The following GPHN variants were observed in gnomAD, a reference collection of about 807,000 sequenced individuals.
GPHN encodes the protein gephyrin.
In GPHN, 17 loss-of-function variants were observed where a neutral mutation model predicts 95.5. The ratio of observed to expected loss-of-function variants is 0.18; its 90% CI spans 0.12 to 0.27. The LOEUF (loss-of-function observed/expected upper bound fraction) is 0.27. Ranked by LOEUF, GPHN falls within the 10% of genes least tolerant of loss-of-function variation. The pLI is 1.00. For missense variants in GPHN, 660 were observed against 978.1 expected (o/e 0.67, Z 4.34); for synonymous variants, 320 against 322.5 (o/e 0.99, Z 0.08).
At chr14:67,382,825 G>C in the GPHN span, 1 of 531,854 alleles carries the variant, frequency 1.9e-6, no homozygotes, top group Non-Finnish European at 3.3e-6. Flanking sequence ...TCTAAAATTT[G>C]ATCTCAGAAT....
At chr14:67,359,705 G>A in the GPHN span, 3 of 1,613,750 alleles carry the variant, frequency 1.9e-6, no homozygotes, top group Non-Finnish European at 1.7e-6. Context: ...ACATTCTGAC[G>A]ATAACTTTTC....
chr14:67,152,185 C>T (rs560619805), intron 18 of GPHN, among the ~76,000 whole-genome samples: 67 of 152,254 alleles, frequency 4.4e-4, no homozygotes, highest in Non-Finnish European at 7.1e-4. Context: ...CTTCTATATT[C>T]TACCTAGAAG....
chr14:67,307,821 G>A, the GPHN span, among the ~76,000 whole-genome samples: 1 of 151,948 alleles, frequency 6.6e-6, no homozygotes, highest in African/African-American at 2.4e-5. Flanking sequence ...GCAGAGATGT[G>A]GAATCAACCT....
rs866779982 is a variant in GPHN at position 67,144,262 on chromosome 14, T to C, written c.1836+813T>C. On this transcript the variant is annotated intron_variant, in intron 18 of 22. Transcript: ENST00000478722. ...AAAAAAAAAAAAAAATATATATATATATATATATATATATATATATATATA... is the reference window on the plus strand; with the variant it reads ...AAAAAAAAAAAAAAATATATATATACATATATATATATATATATATATATA... 9.8e-5 allele frequency among the ~76,000 whole-genome samples: 8 copies of C among 82,010 alleles called. 2 individuals carry two copies. In the East Asian group the frequency reaches 2.9e-3, roughly 30 times the overall value. The allele number at this position is 82,010 out of a possible 152,430, so 53.8% of individuals were successfully genotyped here.
Position 67,078,241 on chromosome 14 carries a change from T to C in GPHN, c.1145-10742T>C, listed in dbSNP as rs549919818. Among the ~76,000 whole-genome samples the C allele has an allele frequency of 1.1e-4, 17 of 152,214 alleles. No individual in the cohort carries two copies. The South Asian group carries it at 3.5e-3, about 32-fold the overall frequency. ...GCATATTAGTTATATTAATCGCCTATTGGGAAAGCCATCTTTTGCTTATTA... is the reference window on the plus strand; with the variant it reads ...GCATATTAGTTATATTAATCGCCTACTGGGAAAGCCATCTTTTGCTTATTA... On this transcript the variant is annotated intron_variant, in intron 11 of 22. Transcript: ENST00000478722.
At chr14:67,194,526 G>A in the GPHN span, among the ~76,000 whole-genome samples, 2 of 151,810 alleles carry the variant, frequency 1.3e-5, no homozygotes, top group Non-Finnish European at 1.5e-5. Flanking sequence ...TTTCCCCCAA[G>A]ACAGAGTTTT....
intron 2 of GPHN, among the ~76,000 whole-genome samples, chr14:66,713,179 A>G (rs1240518204): frequency 6.6e-6 from 1 of 152,036 alleles, no homozygotes; most frequent in Non-Finnish European, 1.5e-5. Context: ...CTTTTATTGC[A>G]TATGTTTTGG....
the GPHN span, chr14:67,472,849 G>A: frequency 6.3e-6 from 1 of 159,212 alleles, no homozygotes; most frequent in South Asian, 1.9e-4. Context: ...AGGGCCCTGG[G>A]GGAGGGGAGA....
intron 10 of GPHN, among the ~76,000 whole-genome samples, chr14:67,024,943 C>T (rs1417422649): frequency 3.9e-5 from 6 of 152,062 alleles, no homozygotes; most frequent in Non-Finnish European, 7.4e-5. Context: ...TGGGCAAACA[C>T]AATTATTGCT....
intron 1 of GPHN, among the ~76,000 whole-genome samples, chr14:66,622,245 G>A (rs1431019757): frequency 6.6e-6 from 1 of 152,116 alleles, no homozygotes; most frequent in Non-Finnish European, 1.5e-5. Context: ...GCTTATACTG[G>A]CCCCTTTCAG....
rs148073260 is a variant in GPHN at position 67,029,203 on chromosome 14, G to T, written c.1006+5528G>T. Reference sequence around the variant, plus strand: ...TCTGTTTCATTGATCTATATGTCTGGCTTTATACAAATACCATGCTGTTTT... The same window carrying T: ...TCTGTTTCATTGATCTATATGTCTGTCTTTATACAAATACCATGCTGTTTT... On this transcript the variant is annotated intron_variant, in intron 10 of 22. Coordinates refer to ENST00000478722, the MANE Select transcript of GPHN (RefSeq NM_020806.5). Among the ~76,000 whole-genome samples, 452 of 152,046 alleles carry T rather than the reference G, an allele frequency of 3.0e-3. 3 individuals are homozygous for T. Among genetic ancestry groups the T allele is most frequent in the African/African-American group, 0.01 (434 of 41,468 alleles).
chr14:67,552,328 C>T, the GPHN span, among the ~76,000 whole-genome samples: 1 of 152,270 alleles, frequency 6.6e-6, no homozygotes, highest in Non-Finnish European at 1.5e-5. Context: ...GGCCTTTAAG[C>T]AAAGGTGAAG....
chr14:67,530,286 T>C, the GPHN span, among the ~76,000 whole-genome samples: 3 of 152,196 alleles, frequency 2.0e-5, no homozygotes, highest in African/African-American at 7.2e-5. Flanking sequence ...AGAATTATTA[T>C]CATCATTATT....
downstream of GPHN, among the ~76,000 whole-genome samples, chr14:67,186,762 C>G (rs2083371186): frequency 6.6e-6 from 1 of 152,204 alleles, no homozygotes; most frequent in Non-Finnish European, 1.5e-5. Flanking sequence ...CCAACCTCAT[C>G]TGGTCTAATG....
At chr14:67,340,540 T>C in the GPHN span, 8 of 1,570,838 alleles carry the variant, frequency 5.1e-6, no homozygotes, top group Non-Finnish European at 7.0e-6. Context: ...AAAAAAATAA[T>C]ATGTGTGAGA....
intron 1 of GPHN, among the ~76,000 whole-genome samples, chr14:66,572,914 G>C (rs553360359): frequency 7.9e-5 from 12 of 152,228 alleles, no homozygotes; most frequent in East Asian, 3.9e-4. Context: ...GGTCTTTATT[G>C]TGTTGTGGTG....
intron 9 of GPHN, among the ~76,000 whole-genome samples, chr14:66,973,353 T>C (rs1488393966): frequency 6.6e-6 from 1 of 152,232 alleles, no homozygotes; most frequent in African/African-American, 2.4e-5. Context: ...CCAGAAGTTA[T>C]AATTCCCAGC....
At chr14:67,382,027 A>G in the GPHN span, among the ~76,000 whole-genome samples, 1 of 152,078 alleles carries the variant, frequency 6.6e-6, no homozygotes, top group Admixed American at 6.5e-5. Flanking sequence ...TACACATACA[A>G]GTTTTATGAG....
the GPHN span, chr14:67,317,492 C>T: frequency 1.3e-6 from 2 of 1,569,198 alleles, no homozygotes; most frequent in Admixed American, 3.4e-5. Flanking sequence ...AAGTTCTACT[C>T]TCAGGGATAG....
Sources: gnomAD v4.1 joint callset for allele counts (sites outside exome capture counted in the v4.1 genomes callset) on GRCh38, gnomAD v4.1.1 for gene constraint, MANE v1.5 for transcripts, NCBI Gene and HGNC (gene_info 2026-07-23, HGNC 2026-07-21) for gene names.